Variants in PPP1CB observed in about 807,000 individuals in gnomAD.
PPP1CB encodes the protein serine/threonine-protein phosphatase PP1-beta catalytic subunit.
Under a neutral mutation model 43.7 loss-of-function variants are expected in PPP1CB, and 2 were observed. The ratio of observed to expected loss-of-function variants is 0.05; its 90% confidence interval spans 0.02 to 0.14. The LOEUF (loss-of-function observed/expected upper bound fraction) is 0.14, where lower values mean the gene tolerates loss of function less well. Ranked by LOEUF, PPP1CB falls within the 10% of genes least tolerant of loss-of-function variation. The probability of loss-of-function intolerance (pLI) is 1.00; values close to 1 mark genes in which losing one functional copy is unlikely to be tolerated. For synonymous variants in PPP1CB, 136 were observed against 135.6 expected, an observed-to-expected ratio of 1.00 and a Z score of -0.02; for missense variants, 84 against 398.0, an observed-to-expected ratio of 0.21 and a Z score of 6.71.
chr2:28,752,093 C>CG lies in PPP1CB; in HGVS notation c.-31dup, dbSNP rs755274832. ...TCCGCCGCCGAGAAGCCCTTGTTCC[C>CG]GCTGCTGGGAAGGAGAGTCTGTGCC... On this transcript the variant is annotated 5_prime_UTR_variant, in exon 1 of 8. Coordinates refer to ENST00000395366, the MANE Select transcript of PPP1CB (RefSeq NM_002709.3). The CG allele has an allele frequency of 6.5e-7, 1 of 1,549,094 alleles. No individual in the cohort carries two copies. The highest frequency in any genetic ancestry group is 1.2e-5 in the South Asian group (1 of 84,024).
chr2:28,779,928 G>T (rs1339964075), intron 3 of PPP1CB, among the ~76,000 whole-genome samples: 1 of 151,998 alleles, frequency 6.6e-6, no homozygotes, highest in Non-Finnish European at 1.5e-5. Context: ...TTTCCCAAGT[G>T]TTTCTCCAGC....
intron 1 of PPP1CB, among the ~76,000 whole-genome samples, chr2:28,768,975 C>T (rs1666840411): frequency 6.6e-6 from 1 of 151,996 alleles, no homozygotes; most frequent in East Asian, 1.9e-4. Context: ...AATAATTTTC[C>T]AAAACAGAGA....
rs537622551 is a variant in PPP1CB, at chr2:28,770,837, G to A, written c.53-6014G>A. On this transcript the variant is annotated intron_variant, in intron 1 of 7. Transcript: ENST00000395366. ...AATATACCATATGCTATACCATAAA[G>A]CACCCCTCAGTACATTTGAAAGAAA... Among the ~76,000 whole-genome samples the A allele has an allele frequency of 1.6e-4, 24 of 152,088 alleles. No homozygotes were observed. The South Asian group carries it at 4.6e-3, about 29-fold the overall frequency.
rs772017356 is a variant in PPP1CB at position 28,783,899 on chromosome 2, A to G, written c.521-8A>G. On this transcript the variant is annotated splice_region_variant and splice_polypyrimidine_tract_variant and intron_variant, in intron 4 of 7. Transcript: ENST00000395366. ...TGTTAGTACTATGTCTCATCTTTTT[A>G]TTTATAGGATTGTCACCAGACCTGC... 3.7e-6 allele frequency: 6 copies of G among 1,605,232 alleles called. No individual in the cohort carries two copies. The South Asian group carries it at 6.6e-5, about 18-fold the overall frequency.
At chr2:28,755,107 G>A (rs1355401576) in intron 1 of PPP1CB, among the ~76,000 whole-genome samples, 2 of 152,054 alleles carry the variant, frequency 1.3e-5, no homozygotes, top group Non-Finnish European at 1.5e-5. Flanking sequence ...GGAGTGCGGT[G>A]GGGTGATGTT....
intron 1 of PPP1CB, among the ~76,000 whole-genome samples, chr2:28,776,411 G>A (rs552158258): frequency 2.0e-4 from 30 of 152,076 alleles, no homozygotes; most frequent in African/African-American, 7.0e-4. Context: ...ACAGGCATGC[G>A]CCACCACACC....
intron 1 of PPP1CB, among the ~76,000 whole-genome samples, chr2:28,756,871 T>C (rs915226128): frequency 4.6e-5 from 7 of 152,232 alleles, no homozygotes; most frequent in African/African-American, 1.7e-4. Context: ...AGCCCTCCAT[T>C]TTAAAATGAC....
At chr2:28,758,688 C>T (rs1456781182) in intron 1 of PPP1CB, among the ~76,000 whole-genome samples, 1 of 152,152 alleles carries the variant, frequency 6.6e-6, no homozygotes, top group Non-Finnish European at 1.5e-5. Flanking sequence ...GGGCAGTTGT[C>T]CTTTATTCTG....
At chr2:28,784,807 C>T (rs1275906344) in intron 5 of PPP1CB, among the ~76,000 whole-genome samples, 1 of 149,986 alleles carries the variant, frequency 6.7e-6, no homozygotes, top group East Asian at 2.0e-4. Flanking sequence ...GTAATCCTAG[C>T]TACTCAAGAG....
In PPP1CB at chr2:28,802,838, A is replaced by G. The variant is rs908397915; in HGVS notation, c.*3535A>G. The stretch of plus-strand genomic sequence containing the variant: ...TTGTTTTCTTCAACCACTACCTTCT[A>G]CATTGGTTGACTTAGACCGTAAGCT... On this transcript the variant is annotated 3_prime_UTR_variant, in exon 8 of 8. Coordinates refer to ENST00000395366, the MANE Select transcript of PPP1CB (RefSeq NM_002709.3). 5 of 152,174 alleles carry G rather than the reference A, an allele frequency of 3.3e-5. No individual in the cohort carries two copies. The highest frequency in any genetic ancestry group is 1.2e-4 in the African/African-American group (5 of 41,442). The allele number at this position is 152,174 out of a possible 1,614,324, so 9.4% of individuals were successfully genotyped here. A position where few individuals can be genotyped will look rare whatever the true frequency, so the allele number is the denominator to read the frequency against.
At chr2:28,759,716 C>T (rs1284741692) in intron 1 of PPP1CB, among the ~76,000 whole-genome samples, 1 of 151,270 alleles carries the variant, frequency 6.6e-6, no homozygotes, top group Non-Finnish European at 1.5e-5. Flanking sequence ...CTCTCAGGTT[C>T]AAGTGATTCT....
At chr2:28,758,038 T>G (rs1666532482) in intron 1 of PPP1CB, among the ~76,000 whole-genome samples, 1 of 151,860 alleles carries the variant, frequency 6.6e-6, no homozygotes, top group African/African-American at 2.4e-5. Context: ...TTTTTAATTT[T>G]TTTTAATTAA....
chr2:28,752,169 G>C lies in PPP1CB; in HGVS notation c.45G>C (p.Leu15=). The C allele has an allele frequency of 6.5e-7, 1 of 1,547,142 alleles. No homozygotes were observed. The highest frequency in any genetic ancestry group is 1.7e-4 in the Middle Eastern group (1 of 5,904). Reference sequence around the variant, plus strand: ...ACGTGGACAGCCTCATCACCCGGCTGCTGGAGGGTGAGTGCGCGCCTGGCC... The same window carrying C: ...ACGTGGACAGCCTCATCACCCGGCTCCTGGAGGGTGAGTGCGCGCCTGGCC... ...ELNVDSLITR[L]LEVRGCRPGK... The change falls in exon 1 of 8, where the codon CTG becomes CTC. Residue 15 remains leucine (L), a synonymous_variant. Transcript: ENST00000395366.
At chr2:28,756,075 A>G in intron 1 of PPP1CB, among the ~76,000 whole-genome samples, 1 of 152,348 alleles carries the variant, frequency 6.6e-6, no homozygotes, top group Middle Eastern at 3.4e-3. Context: ...TATTCTTTAC[A>G]TAGCTTTATG....
At chr2:28,769,045 C>A (rs1484800400) in intron 1 of PPP1CB, among the ~76,000 whole-genome samples, 2 of 152,026 alleles carry the variant, frequency 1.3e-5, no homozygotes, top group Non-Finnish European at 1.5e-5. Flanking sequence ...GAGAGAAAAC[C>A]ATATTGAACA....
At chr2:28,793,761 G>T in intron 6 of PPP1CB, 102 bp from the exon 7 acceptor site, 2 of 1,285,764 alleles carry the variant, frequency 1.6e-6, no homozygotes, top group Non-Finnish European at 2.1e-6. Flanking sequence ...TGGTTTGGGG[G>T]TGAGGTGGGG....
intron 1 of PPP1CB, among the ~76,000 whole-genome samples, chr2:28,762,002 G>A (rs951123319): frequency 3.3e-5 from 5 of 152,112 alleles, no homozygotes; most frequent in Non-Finnish European, 7.4e-5. Flanking sequence ...TTCTGTTCTC[G>A]GCCGGGCATG....
At chr2:28,753,402 C>A (rs1041099690) in intron 1 of PPP1CB, among the ~76,000 whole-genome samples, 1 of 152,174 alleles carries the variant, frequency 6.6e-6, no homozygotes, top group East Asian at 1.9e-4. Context: ...TCTGTGAGTA[C>A]CTGTTCTGTA....
chr2:28,774,447 CAG>C (rs1380391113), intron 1 of PPP1CB, among the ~76,000 whole-genome samples: 1 of 152,066 alleles, frequency 6.6e-6, no homozygotes, highest in East Asian at 1.9e-4. Flanking sequence ...TTTTTTGAGA[CAG>C]AATTTCGCTC....
Sources: gnomAD v4.1 joint callset for allele counts (sites outside exome capture counted in the v4.1 genomes callset) on GRCh38, gnomAD v4.1.1 for gene constraint, MANE v1.5 for transcripts, NCBI Gene and HGNC (gene_info 2026-07-23, HGNC 2026-07-21) for gene names.